The following FAM227A variants were observed in gnomAD, a reference collection of about 807,000 sequenced individuals.
FAM227A encodes protein FAM227A.
In FAM227A, 80 loss-of-function variants were observed where a neutral mutation model predicts 74.7. That is an observed-to-expected ratio of 1.07 (90% CI 0.89 to 1.29). FAM227A has a LOEUF of 1.29. Among genes scored for constraint, FAM227A ranks in the 50% most tolerant of loss-of-function variants. The pLI is 0.00. For missense variants in FAM227A, 654 were observed against 683.4 expected, an observed-to-expected ratio of 0.96 and a Z score of 0.48; for synonymous variants, 237 against 241.8, an observed-to-expected ratio of 0.98 and a Z score of 0.19.
At chr22:38,611,654 G>GA (rs1232914517) in intron 11 of FAM227A, among the ~76,000 whole-genome samples, 1 of 152,090 alleles carries the variant, frequency 6.6e-6, no homozygotes, top group Non-Finnish European at 1.5e-5. Flanking sequence ...CACTTAGATG[G>GA]AAATGTAGGT....
chr22:38,582,937 T>C lies in FAM227A; in HGVS notation c.*3188A>G. ...GGGGTCCTGGAGGAAGAGCAGGAATTAGTGATGTTGGCAGTTAACAAAGAG... is the reference window on the plus strand; with the variant it reads ...GGGGTCCTGGAGGAAGAGCAGGAATCAGTGATGTTGGCAGTTAACAAAGAG... On this transcript the variant is annotated 3_prime_UTR_variant, in exon 17 of 17. Transcript: ENST00000535113. The C allele has an allele frequency of 6.5e-7, 1 of 1,550,356 alleles. No individual in the cohort carries two copies. Among genetic ancestry groups the C allele is most frequent in the Non-Finnish European group, 8.7e-7 (1 of 1,146,946 alleles).
At position 38,595,051 on chromosome 22, in the gene FAM227A, T is replaced by C. The variant is rs544794302; in HGVS notation, c.1532+2153A>G. On this transcript the variant is annotated intron_variant, in intron 15 of 16. Coordinates refer to ENST00000535113, the MANE Select transcript of FAM227A (RefSeq NM_001013647.2). Reference sequence around the variant, plus strand: ...GGACGGAGGTTGCAGTGAGCCGAGATTGCACCACTGCAATGCAGCCTGGCG... The same window carrying C: ...GGACGGAGGTTGCAGTGAGCCGAGACTGCACCACTGCAATGCAGCCTGGCG... Among the ~76,000 whole-genome samples, 46 of 152,230 alleles carry C rather than the reference T, an allele frequency of 3.0e-4. 1 individual carries two copies. In the South Asian group the frequency reaches 9.3e-3, roughly 31 times the overall value.
intron 9 of FAM227A, among the ~76,000 whole-genome samples, chr22:38,625,237 A>C (rs1359238730): frequency 6.6e-6 from 1 of 151,890 alleles, no homozygotes; most frequent in African/African-American, 2.4e-5. Context: ...AAAATACAAA[A>C]AATTAGCTGG....
At chr22:38,628,980 T>C in intron 6 of FAM227A, 45 bp from the exon 7 acceptor site, 1 of 1,179,850 alleles carries the variant, frequency 8.5e-7, no homozygotes, top group Admixed American at 2.6e-5. Flanking sequence ...GTTATCTTTT[T>C]AAAAATCCAT....
chr22:38,625,196 T>C (rs2091770886), intron 9 of FAM227A, among the ~76,000 whole-genome samples: 1 of 151,958 alleles, frequency 6.6e-6, no homozygotes, highest in Non-Finnish European at 1.5e-5. Context: ...AAGACCATCC[T>C]GGCTAACACA....
intron 6 of FAM227A, among the ~76,000 whole-genome samples, chr22:38,633,002 G>C (rs2091941807): frequency 6.6e-6 from 1 of 152,196 alleles, no homozygotes; most frequent in Non-Finnish European, 1.5e-5. Context: ...GTGCGGAGCT[G>C]AGAAGGCACT....
chr22:38,655,922 G>A (rs1165635027), intron 1 of FAM227A, among the ~76,000 whole-genome samples, 198 bp downstream of exon 1: 14 of 152,180 alleles, frequency 9.2e-5, no homozygotes, highest in Admixed American at 8.5e-4. Context: ...TTATCAGACG[G>A]AACCAATAAC....
intron 12 of FAM227A, 98 bp downstream of exon 12, chr22:38,607,291 G>T: frequency 1.2e-6 from 1 of 816,378 alleles, no homozygotes; most frequent in South Asian, 1.7e-5. Context: ...GTATAAAGTA[G>T]GTCAGCAAAT....
rs374685365 is a variant in FAM227A at position 38,621,343 on chromosome 22, C to T, written c.959-1052G>A. Among the ~76,000 whole-genome samples the T allele has an allele frequency of 5.8e-4, 69 of 118,396 alleles. 2 individuals are homozygous for T. In the Middle Eastern group the frequency reaches 0.026, roughly 45 times the overall value. 77.7% of individuals were successfully genotyped at this position (118,396 alleles called of 152,430 possible). On this transcript the variant is annotated intron_variant, in intron 10 of 16. Transcript: ENST00000535113. ...CCAGCCTGGGTGACACAGAAAGACT[C>T]TGTCTCAAAAAAAAAAAAAAGAAAG... is the stretch of plus-strand genomic sequence containing the variant.
chr22:38,648,648 C>T (rs1017572061), intron 2 of FAM227A, among the ~76,000 whole-genome samples: 1 of 149,426 alleles, frequency 6.7e-6, no homozygotes, highest in Non-Finnish European at 1.5e-5. Context: ...CTTAAAAACT[C>T]GACAGTAAGA....
chr22:38,635,661 A>G lies in FAM227A; in HGVS notation c.519+790T>C, dbSNP rs547198709. ...AGGAAGCATACTCACCCCCAGAGGC[A>G]TGAGAAGAAAATATTCTAACTAATG... On this transcript the variant is annotated intron_variant, in intron 6 of 16. Coordinates refer to ENST00000535113, the MANE Select transcript of FAM227A (RefSeq NM_001013647.2). Among the ~76,000 whole-genome samples the G allele has an allele frequency of 2.8e-4, 43 of 152,316 alleles. No homozygotes were observed. In the South Asian group the frequency reaches 8.9e-3, roughly 32 times the overall value.
chr22:38,604,027 A>T (rs563757518), intron 13 of FAM227A, among the ~76,000 whole-genome samples: 190 of 152,276 alleles, frequency 1.2e-3, no homozygotes, highest in African/African-American at 4.5e-3. Context: ...AAACACCACG[A>T]TTAAAGTCAA....
chr22:38,581,957 G>C lies in FAM227A; in HGVS notation c.*4168C>G, dbSNP rs1351777783. On this transcript the variant is annotated 3_prime_UTR_variant, in exon 17 of 17. Transcript: ENST00000535113. ...AAGGTCTCACTATGTTGTCCTGTTT[G>C]GTCTCAAACTCCTGGCCTCAAGCAA... The C allele has an allele frequency of 5.4e-6, 1 of 183,640 alleles. No individual in the cohort carries two copies. The highest frequency in any genetic ancestry group is 1.1e-5 in the Non-Finnish European group (1 of 88,850). 11.4% of individuals were successfully genotyped at this position (183,640 alleles called of 1,614,324 possible).
intron 11 of FAM227A, among the ~76,000 whole-genome samples, chr22:38,616,623 G>GC (rs1225167519): frequency 2.0e-5 from 3 of 151,366 alleles, no homozygotes; most frequent in Admixed American, 1.3e-4. Flanking sequence ...CCAAGATCAT[G>GC]CCATTGCACT....
Position 38,650,249 on chromosome 22 carries a change from G to A in FAM227A, c.-81C>T. The A allele has an allele frequency of 4.3e-6, 6 of 1,387,364 alleles. No individual in the cohort carries two copies. The highest frequency in any genetic ancestry group is 5.9e-6 in the Non-Finnish European group (6 of 1,011,046). 85.9% of individuals were successfully genotyped at this position (1,387,364 alleles called of 1,614,324 possible). A position where few individuals can be genotyped will look rare whatever the true frequency, so the allele number is the denominator to read the frequency against. On this transcript the variant is annotated 5_prime_UTR_variant, in exon 2 of 17. The change creates a premature stop within an existing upstream ORF in the 5' untranslated region. Coordinates refer to ENST00000535113, the MANE Select transcript of FAM227A (RefSeq NM_001013647.2). Reference sequence around the variant, plus strand: ...ATTTCCCACTCCAATCTTGTCGTTTGTTTAATCAGCCTCCTGGAAATCATA... The same window carrying A: ...ATTTCCCACTCCAATCTTGTCGTTTATTTAATCAGCCTCCTGGAAATCATA...
At position 38,607,415 on chromosome 22, in the gene FAM227A, C is replaced by CT. The variant is rs1491344493; in HGVS notation, c.1099dup (p.Ser367LysfsTer35). ...TTTTGCAGTATTCTGCATTCGTAAG[C>CT]TTTTTTCTGAGTTCTGCTTGGCCGA... On this transcript the variant is annotated frameshift_variant, in exon 12 of 17. Transcript: ENST00000535113. LOFTEE classifies it high-confidence loss of function. 5.8e-6 allele frequency: 9 copies of CT among 1,551,164 alleles called. No homozygotes were observed. The Admixed American group carries it at 1.2e-4, about 20-fold the overall frequency.
At chr22:38,587,909 A>G (rs1569184087) in intron 16 of FAM227A, among the ~76,000 whole-genome samples, 3 of 152,240 alleles carry the variant, frequency 2.0e-5, no homozygotes, top group Non-Finnish European at 4.4e-5. Context: ...AGTGAAACAT[A>G]AATCGATCAG....
intron 11 of FAM227A, among the ~76,000 whole-genome samples, chr22:38,610,016 G>C (rs1183862111): frequency 6.6e-6 from 1 of 151,228 alleles, no homozygotes; most frequent in Non-Finnish European, 1.5e-5. Flanking sequence ...CAGGTGATCT[G>C]CCCACCTTGG....
chr22:38,612,858 T>C (rs1284006870), intron 11 of FAM227A, among the ~76,000 whole-genome samples: 1 of 151,104 alleles, frequency 6.6e-6, no homozygotes, highest in Non-Finnish European at 1.5e-5. Flanking sequence ...CAGCATGGCC[T>C]CTGAAGCTAA....
Sources: allele counts gnomAD v4.1 joint callset (sites outside exome capture counted in the v4.1 genomes callset), GRCh38; gene constraint gnomAD v4.1.1; transcripts MANE v1.5; gene names NCBI Gene and HGNC (gene_info 2026-07-23, HGNC 2026-07-21).